The following PLEKHH2 variants were observed in gnomAD, a reference collection of about 807,000 sequenced individuals.
PLEKHH2 encodes the protein pleckstrin homology, MyTH4 and FERM domain containing H2.
PLEKHH2 carries 129 observed loss-of-function variants against 187.9 expected under a neutral mutation model. That is an observed-to-expected ratio of 0.69 (90% confidence interval 0.59 to 0.79). The LOEUF is 0.79. Ranked by LOEUF, PLEKHH2 falls within the 30% of genes least tolerant of loss-of-function variation. PLEKHH2 has a pLI of 0.00. For synonymous variants in PLEKHH2, 686 were observed against 605.6 expected (o/e 1.13, Z -1.95); for missense variants, 2,076 against 1,751.2 (o/e 1.19, Z -3.31).
intron 20 of PLEKHH2, among the ~76,000 whole-genome samples, chr2:43,738,946 C>T (rs1041800492): frequency 3.9e-5 from 6 of 152,194 alleles, no homozygotes; most frequent in Non-Finnish European, 5.9e-5. Flanking sequence ...GGCTGGAGTG[C>T]AATGGCACAA....
At chr2:43,689,856 A>G (rs1398229358) in intron 3 of PLEKHH2, among the ~76,000 whole-genome samples, 1 of 152,218 alleles carries the variant, frequency 6.6e-6, no homozygotes, top group Non-Finnish European at 1.5e-5. Flanking sequence ...TCAGGGTAAA[A>G]GAGTAGTTCC....
At chr2:43,701,541 T>C (rs921109222) in intron 8 of PLEKHH2, among the ~76,000 whole-genome samples, 3 of 152,206 alleles carry the variant, frequency 2.0e-5, no homozygotes, top group African/African-American at 7.2e-5. Context: ...TTGTTAGTTA[T>C]AAGTTTTTGA....
intron 25 of PLEKHH2, among the ~76,000 whole-genome samples, chr2:43,755,930 G>A (rs1320775901): frequency 2.6e-5 from 4 of 152,188 alleles, no homozygotes; most frequent in Non-Finnish European, 5.9e-5. Context: ...CCTGTGCATG[G>A]AGCTTTATTA....
chr2:43,678,725 G>GGTAGAGGTGGAA (rs1352174301), intron 2 of PLEKHH2, 138 bp from the exon 3 acceptor site: 1 of 449,350 alleles, frequency 2.2e-6, no homozygotes, highest in African/African-American at 2.3e-5. Flanking sequence ...GGAGACCGTG[G>GGTAGAGGTGGAA]GTAGAGGTGG....
chr2:43,687,308 C>T (rs1204442872), intron 3 of PLEKHH2, among the ~76,000 whole-genome samples: 1 of 152,186 alleles, frequency 6.6e-6, no homozygotes, highest in Non-Finnish European at 1.5e-5. Flanking sequence ...ATCCATGTTG[C>T]TACAAAGGAC....
At chr2:43,696,487 CAA>C (rs11380251) in intron 6 of PLEKHH2, among the ~76,000 whole-genome samples, 19 of 112,672 alleles carry the variant, frequency 1.7e-4, no homozygotes, top group East Asian at 3.3e-4. Flanking sequence ...CACCCTGTCT[CAA>C]AAAAAAAAAA....
Position 43,753,609 on chromosome 2 carries a change from T to C in PLEKHH2, c.3654-10T>C. On this transcript the variant is annotated splice_polypyrimidine_tract_variant and intron_variant, in intron 24 of 29. Coordinates refer to ENST00000282406, the MANE Select transcript of PLEKHH2 (RefSeq NM_172069.4). ...TAATTTAATGAGAAATTTACTCTTT[T>C]TTTTTACAGACTATATTTCTCAGTG... 3 of 1,444,372 alleles carry C rather than the reference T, an allele frequency of 2.1e-6. No homozygotes were observed. Among genetic ancestry groups the C allele is most frequent in the Non-Finnish European group, 2.7e-6 (3 of 1,092,310 alleles). 89.5% of individuals were successfully genotyped at this position (1,444,372 alleles called of 1,614,324 possible).
intron 18 of PLEKHH2, 51 bp downstream of exon 18, chr2:43,729,796 C>A: frequency 7.7e-7 from 1 of 1,303,630 alleles, no homozygotes; most frequent in Middle Eastern, 1.9e-4. Context: ...AAATGGACCT[C>A]AACCCGCTTA....
intron 2 of PLEKHH2, among the ~76,000 whole-genome samples, chr2:43,667,958 A>G (rs926902575): frequency 3.9e-5 from 6 of 152,174 alleles, no homozygotes; most frequent in African/African-American, 9.7e-5. Context: ...TTACTTCTCA[A>G]TTTTTTAAAA....
intron 3 of PLEKHH2, among the ~76,000 whole-genome samples, chr2:43,683,897 A>T (rs754274015): frequency 2.0e-5 from 3 of 152,024 alleles, no homozygotes; most frequent in Non-Finnish European, 4.4e-5. Flanking sequence ...GCAGTTTCAG[A>T]TTTACAGCAA....
intron 2 of PLEKHH2, among the ~76,000 whole-genome samples, chr2:43,677,860 C>A (rs1336214621): frequency 6.9e-6 from 1 of 144,136 alleles, no homozygotes; most frequent in East Asian, 2.0e-4. Flanking sequence ...CCGGACGGGG[C>A]GGCTGGCCGG....
chr2:43,706,632 T>A (rs540383784), intron 10 of PLEKHH2, among the ~76,000 whole-genome samples: 1 of 152,228 alleles, frequency 6.6e-6, no homozygotes, highest in Non-Finnish European at 1.5e-5. Context: ...AGTCAGTTTT[T>A]ACTGTGTCCC....
intron 11 of PLEKHH2, 129 bp downstream of exon 11, chr2:43,707,674 T>A (rs1572594846): frequency 1.9e-6 from 2 of 1,052,250 alleles, no homozygotes; most frequent in East Asian, 5.3e-5. Flanking sequence ...AAAAGAACTT[T>A]AGCCTATGAC....
chr2:43,761,196 GT>G (rs1228735835), intron 27 of PLEKHH2, among the ~76,000 whole-genome samples: 1 of 152,030 alleles, frequency 6.6e-6, no homozygotes, highest in African/African-American at 2.4e-5. Flanking sequence ...ATTCATTCCA[GT>G]TTTATATCTA....
At chr2:43,717,985 C>T (rs952591468) in intron 15 of PLEKHH2, among the ~76,000 whole-genome samples, 5 of 152,146 alleles carry the variant, frequency 3.3e-5, no homozygotes, top group Admixed American at 3.3e-4. Flanking sequence ...GAGAATGCTA[C>T]AGGGATGGGC....
intron 9 of PLEKHH2, among the ~76,000 whole-genome samples, chr2:43,704,866 T>C (rs1048528770): frequency 9.9e-5 from 15 of 152,106 alleles, no homozygotes; most frequent in Admixed American, 2.0e-4. Flanking sequence ...TATTTTAAAA[T>C]TGAAATTCAT....
chr2:43,698,327 G>A (rs919980561), intron 7 of PLEKHH2, among the ~76,000 whole-genome samples: 1 of 150,304 alleles, frequency 6.7e-6, no homozygotes, highest in Admixed American at 6.6e-5. Context: ...AGCTCACTGC[G>A]GCCTTGACCT....
At position 43,712,248 on chromosome 2, in the gene PLEKHH2, C is replaced by G. The variant is rs766528442; in HGVS notation, c.2325C>G (p.Tyr775Ter). ...TVQLTTEKHT[Y>*]YLTADSPNIL... ...AGTTGACCACTGAAAAACACACATA[C>G]TATCTGACTGCAGATTCTCCCAATA... The change falls in exon 15 of 30, where the codon TAC (tyrosine) becomes TAG (stop). Residue 775 changes from tyrosine (Y) to a stop codon, truncating the protein, a stop_gained. Coordinates refer to ENST00000282406, the MANE Select transcript of PLEKHH2 (RefSeq NM_172069.4). LOFTEE classifies it high-confidence loss of function. The G allele has an allele frequency of 6.2e-7, 1 of 1,613,414 alleles. No homozygotes were observed. Among genetic ancestry groups the G allele is most frequent in the South Asian group, 1.1e-5 (1 of 91,064 alleles).
Position 43,729,730 on chromosome 2 carries a change from A to G in PLEKHH2, c.2815A>G (p.Ile939Val), listed in dbSNP as rs761774669. 6.3e-7 allele frequency: 1 copy of G among 1,599,650 alleles called. No homozygotes were observed. The highest frequency in any genetic ancestry group is 8.5e-7 in the Non-Finnish European group (1 of 1,173,526). The stretch of plus-strand genomic sequence containing the variant: ...ACAACTGGTTTGCAAATTGCTAAAT[A>G]TAGACGGGGAGCCTTGTAAGTTCAT... ...FEQLVCKLLN[I>V]DGEPSSQIWR... is the part of the protein sequence containing the mutation. Residue 939 changes from isoleucine to valine, a missense_variant, in exon 18 of 30, where the codon ATA (isoleucine) becomes GTA (valine). Coordinates refer to ENST00000282406, the MANE Select transcript of PLEKHH2 (RefSeq NM_172069.4).
Sources: gnomAD v4.1 joint callset for allele counts (sites outside exome capture counted in the v4.1 genomes callset) on GRCh38, gnomAD v4.1.1 for gene constraint, MANE v1.5 for transcripts, NCBI Gene and HGNC (gene_info 2026-07-23, HGNC 2026-07-21) for gene names.